CEP63: variants seen among roughly 807,000 people sequenced by gnomAD.
CEP63 encodes centrosomal protein 63, also known as centrosomal protein of 63 kDa.
Under a neutral mutation model 89.1 loss-of-function variants are expected in CEP63, and 84 were observed. That is an observed-to-expected ratio of 0.94 (90% CI 0.79 to 1.13). The LOEUF (loss-of-function observed/expected upper bound fraction) is 1.13, where lower values mean the gene tolerates loss of function less well. CEP63 is among the 50% of genes most tolerant of loss of function. The pLI, the probability that CEP63 is intolerant of heterozygous loss-of-function variation, is 0.00. For synonymous variants in CEP63, 267 were observed against 272.5 expected, an observed-to-expected ratio of 0.98 and a Z score of 0.20; for missense variants, 838 against 813.3, an observed-to-expected ratio of 1.03 and a Z score of -0.37.
chr3:134,778,097 CTTTT>C, the CEP63 span, among the ~76,000 whole-genome samples: 17 of 132,388 alleles, frequency 1.3e-4, no homozygotes, highest in Non-Finnish European at 1.3e-4. Flanking sequence ...TTCCACGTCA[CTTTT>C]TTTTTTTTTT....
At chr3:134,605,435 G>T in the CEP63 span, among the ~76,000 whole-genome samples, 1 of 152,104 alleles carries the variant, frequency 6.6e-6, no homozygotes, top group Admixed American at 6.5e-5. Context: ...CTCTTGGTAG[G>T]GGAGGCAGAA....
the CEP63 span, among the ~76,000 whole-genome samples, chr3:134,660,241 G>C: frequency 6.6e-6 from 1 of 152,252 alleles, no homozygotes; most frequent in Non-Finnish European, 1.5e-5. Flanking sequence ...TCTGCCCTCC[G>C]GGCAAGGAGG....
At chr3:134,775,218 T>A in the CEP63 span, among the ~76,000 whole-genome samples, 1 of 152,006 alleles carries the variant, frequency 6.6e-6, no homozygotes, top group African/African-American at 2.4e-5. Context: ...CTCGTTCACG[T>A]GATTTAGTGG....
chr3:134,673,543 G>A, the CEP63 span, among the ~76,000 whole-genome samples: 1 of 152,140 alleles, frequency 6.6e-6, no homozygotes, highest in South Asian at 2.1e-4. Context: ...CAGTGTGGCA[G>A]CCAGCCTGGA....
chr3:134,553,192 A>G (rs1955296785), intron 12 of CEP63: 1 of 152,078 alleles, frequency 6.6e-6, no homozygotes, highest in Admixed American at 6.6e-5. Flanking sequence ...TTCTAATTTC[A>G]CAATCCAGGA....
At chr3:134,741,363 C>T in the CEP63 span, among the ~76,000 whole-genome samples, 2 of 152,192 alleles carry the variant, frequency 1.3e-5, no homozygotes, top group Non-Finnish European at 2.9e-5. Flanking sequence ...CCCCCTCATT[C>T]CCTCCTAGCT....
chr3:134,756,831 G>A, the CEP63 span, among the ~76,000 whole-genome samples: 1 of 152,176 alleles, frequency 6.6e-6, no homozygotes, highest in Non-Finnish European at 1.5e-5. Flanking sequence ...CAGGGATGGG[G>A]GCACCTGTCA....
the CEP63 span, among the ~76,000 whole-genome samples, chr3:134,741,707 A>T: frequency 6.6e-6 from 1 of 152,224 alleles, no homozygotes; most frequent in Non-Finnish European, 1.5e-5. Context: ...AAGTGATTTT[A>T]AAAAAGATAT....
chr3:134,532,273 A>G (rs1949995655), intron 4 of CEP63, among the ~76,000 whole-genome samples: 1 of 152,232 alleles, frequency 6.6e-6, no homozygotes, highest in African/African-American at 2.4e-5. Context: ...GATTATAAAT[A>G]ATGGAGGATC....
chr3:134,583,856 T>C (rs1958420394), intron 10 of CEP63, among the ~76,000 whole-genome samples: 1 of 152,184 alleles, frequency 6.6e-6, no homozygotes, highest in Non-Finnish European at 1.5e-5. Context: ...TTTATTTCGT[T>C]GAGCAGAGGT....
chr3:134,696,167 T>C, the CEP63 span, among the ~76,000 whole-genome samples: 1 of 152,212 alleles, frequency 6.6e-6, no homozygotes, highest in South Asian at 2.1e-4. Flanking sequence ...GGCCTGGCAA[T>C]GTCTGGTTCC....
chr3:134,645,685 CT>C, the CEP63 span, among the ~76,000 whole-genome samples: 49 of 152,274 alleles, frequency 3.2e-4, no homozygotes, highest in East Asian at 6.0e-3. Flanking sequence ...GGCTCAGGGC[CT>C]CTGTGGAGCC....
chr3:134,768,197 G>A, the CEP63 span, among the ~76,000 whole-genome samples: 1 of 152,154 alleles, frequency 6.6e-6, no homozygotes, highest in African/African-American at 2.4e-5. Flanking sequence ...AAATAGGCAG[G>A]GACATGATCA....
chr3:134,541,816 A>G (rs1952081912), intron 6 of CEP63, among the ~76,000 whole-genome samples: 1 of 152,096 alleles, frequency 6.6e-6, no homozygotes, highest in South Asian at 2.1e-4. Context: ...CCTGGCCACC[A>G]GCATTTTTTA....
At chr3:134,638,381 A>T in the CEP63 span, among the ~76,000 whole-genome samples, 1 of 152,156 alleles carries the variant, frequency 6.6e-6, no homozygotes, top group South Asian at 2.1e-4. Context: ...TCTAAACCCT[A>T]AGTACAGCCT....
intron 3 of CEP63, among the ~76,000 whole-genome samples, chr3:134,508,780 T>C (rs998479416): frequency 1.3e-5 from 2 of 152,170 alleles, no homozygotes; most frequent in Non-Finnish European, 2.9e-5. Flanking sequence ...TATGAAGATG[T>C]TAAGTTTGGC....
chr3:134,540,305 A>G (rs537984097), intron 6 of CEP63, among the ~76,000 whole-genome samples: 1 of 152,352 alleles, frequency 6.6e-6, no homozygotes, highest in African/African-American at 2.4e-5. Context: ...CGTTAAATGT[A>G]TAATGACATT....
At chr3:134,638,031 C>G in the CEP63 span, among the ~76,000 whole-genome samples, 1 of 152,298 alleles carries the variant, frequency 6.6e-6, no homozygotes, top group African/African-American at 2.4e-5. Context: ...CGGTTCTCCC[C>G]CAAAGCTGTG....
chr3:134,701,306 G>A, the CEP63 span, among the ~76,000 whole-genome samples: 4 of 24,850 alleles, frequency 1.6e-4, 1 homozygote, highest in Non-Finnish European at 4.2e-4. Flanking sequence ...GTATATATAC[G>A]TATATATGTG....
Sources: gnomAD v4.1 joint callset for allele counts (sites outside exome capture counted in the v4.1 genomes callset) on GRCh38, gnomAD v4.1.1 for gene constraint, MANE v1.5 for transcripts, NCBI Gene and HGNC (gene_info 2026-07-23, HGNC 2026-07-21) for gene names.